DLG5: variants seen among roughly 807,000 people sequenced by gnomAD.
DLG5 encodes the protein disks large homolog 5.
DLG5 carries 48 observed loss-of-function variants against 189.8 expected under a neutral mutation model. The ratio of observed to expected loss-of-function variants is 0.25; its 90% CI spans 0.20 to 0.32. DLG5 has a LOEUF of 0.32. Ranked by LOEUF, DLG5 falls within the 10% of genes least tolerant of loss-of-function variation. The pLI is 1.00. For synonymous variants in DLG5, 1,016 were observed against 1,054.1 expected, an observed-to-expected ratio of 0.96 and a Z score of 0.70; for missense variants, 2,160 against 2,544.7, an observed-to-expected ratio of 0.85 and a Z score of 3.25.
intron 7 of DLG5, among the ~76,000 whole-genome samples, chr10:77,840,824 C>T (rs1294717285): frequency 6.6e-6 from 1 of 152,184 alleles, no homozygotes; most frequent in African/African-American, 2.4e-5. Context: ...TCCCCACATC[C>T]CCTACCACTG....
chr10:77,933,943 G>GCC, the DLG5 span, among the ~76,000 whole-genome samples: 1 of 151,886 alleles, frequency 6.6e-6, no homozygotes, highest in Non-Finnish European at 1.5e-5. Flanking sequence ...AGCTACTTGG[G>GCC]AGGCTGAGGC....
intron 1 of DLG5, among the ~76,000 whole-genome samples, chr10:77,922,153 C>T (rs1454075351): frequency 6.6e-6 from 1 of 152,162 alleles, no homozygotes; most frequent in Non-Finnish European, 1.5e-5. Flanking sequence ...CACCCCGGCC[C>T]CTGTCTACAC....
At chr10:77,844,361 C>T (rs535845481) in intron 5 of DLG5, among the ~76,000 whole-genome samples, 10 of 152,334 alleles carry the variant, frequency 6.6e-5, no homozygotes, top group Admixed American at 2.0e-4. Flanking sequence ...TTGCCTCACG[C>T]GCCTTTCCCC....
chr10:77,857,747 T>C (rs538883047), intron 2 of DLG5, among the ~76,000 whole-genome samples: 257 of 152,328 alleles, frequency 1.7e-3, no homozygotes, highest in Non-Finnish European at 3.0e-3. Flanking sequence ...TGCTTTTATA[T>C]TGAACCCTGT....
rs1209911526 is a variant in DLG5, at chr10:77,845,934, T to TAAA, written c.865-2231_865-2229dup. Among the ~76,000 whole-genome samples, 482 of 97,398 alleles carry TAAA rather than the reference T, an allele frequency of 4.9e-3. 2 individuals are homozygous for TAAA. The highest frequency in any genetic ancestry group is 7.8e-3 in the African/African-American group (185 of 23,868). The allele number at this position is 97,398 out of a possible 152,430, so 63.9% of individuals were successfully genotyped here. ...CCACTCTACATCTAAAATCTTTCTT[T>TAAA]AAAAAAAAAAAAAAAAAAAAAAAGC... On this transcript the variant is annotated intron_variant, in intron 5 of 31. Transcript: ENST00000372391.
Position 77,882,619 on chromosome 10 carries a change from A to T in DLG5, c.305-13422T>A, listed in dbSNP as rs188088472. On this transcript the variant is annotated intron_variant, in intron 1 of 31. Transcript: ENST00000372391. ...ATGCATACAAAAGGAAAAGGAATTA[A>T]AACGCAAGAAGGCCAGGTGCAGTGG... is the stretch of plus-strand genomic sequence containing the variant. Among the ~76,000 whole-genome samples, 3 of 152,330 alleles carry T rather than the reference A, an allele frequency of 2.0e-5. No homozygotes were observed. In the East Asian group the frequency reaches 5.8e-4, roughly 29 times the overall value.
rs575032372 is a variant in DLG5 at position 77,845,004 on chromosome 10, G to A, written c.865-1298C>T. Among the ~76,000 whole-genome samples, 4 of 152,336 alleles carry A rather than the reference G, an allele frequency of 2.6e-5. No individual in the cohort carries two copies. The East Asian group carries it at 7.7e-4, about 29-fold the overall frequency. On this transcript the variant is annotated intron_variant, in intron 5 of 31. Coordinates refer to ENST00000372391, the MANE Select transcript of DLG5 (RefSeq NM_004747.4). ...AAGGGGACCTGGAGAAGTGGGTGTG[G>A]GCATGGGGGTGGCCATGGCCGCAGG...
chr10:77,878,189 C>G (rs1845165553), intron 1 of DLG5, among the ~76,000 whole-genome samples: 1 of 152,258 alleles, frequency 6.6e-6, no homozygotes, highest in East Asian at 1.9e-4. Flanking sequence ...GCCCTCCACC[C>G]TCCCAGGGCA....
At chr10:77,885,304 A>G (rs1845405497) in intron 1 of DLG5, among the ~76,000 whole-genome samples, 1 of 152,208 alleles carries the variant, frequency 6.6e-6, no homozygotes, top group Admixed American at 6.5e-5. Flanking sequence ...AAACACTCCA[A>G]GCAAAATCTG....
At chr10:77,843,081 C>G (rs1479981083) in intron 6 of DLG5, among the ~76,000 whole-genome samples, 1 of 152,130 alleles carries the variant, frequency 6.6e-6, no homozygotes, top group African/African-American at 2.4e-5. Context: ...GGGTGACTGC[C>G]ACAGAGGGGA....
intron 30 of DLG5, 134 bp from the exon 31 acceptor site, chr10:77,794,251 T>C: frequency 1.4e-6 from 1 of 722,938 alleles, no homozygotes; most frequent in Non-Finnish European, 2.4e-6. Flanking sequence ...GCTCCCCACA[T>C]AAAGCACAGC....
At chr10:77,886,946 C>A (rs943571130) in intron 1 of DLG5, among the ~76,000 whole-genome samples, 6 of 152,182 alleles carry the variant, frequency 3.9e-5, no homozygotes, top group African/African-American at 1.4e-4. Flanking sequence ...ACCTGCCCAT[C>A]TGACGCCCTG....
At chr10:77,876,692 A>AG (rs1845101232) in intron 1 of DLG5, among the ~76,000 whole-genome samples, 1 of 77,154 alleles carries the variant, frequency 1.3e-5, no homozygotes, top group Non-Finnish European at 2.7e-5. Context: ...AGAGGAAGGA[A>AG]GGAAGGAAGG....
At chr10:77,833,153 C>T (rs1842957670) in intron 9 of DLG5, among the ~76,000 whole-genome samples, 1 of 152,222 alleles carries the variant, frequency 6.6e-6, no homozygotes, top group East Asian at 1.9e-4. Context: ...GCCTATTGGG[C>T]TCTGCCAATT....
intron 1 of DLG5, among the ~76,000 whole-genome samples, chr10:77,903,630 CAAAAAAAAAAA>C (rs574454210): frequency 1.7e-5 from 1 of 58,718 alleles, no homozygotes; most frequent in African/African-American, 4.2e-5. Context: ...AACTCCATCT[CAAAAAAAAAAA>C]AAAAAAAAAT....
intron 1 of DLG5, among the ~76,000 whole-genome samples, chr10:77,893,919 G>A (rs542110684): frequency 6.6e-6 from 1 of 152,144 alleles, no homozygotes; most frequent in Non-Finnish European, 1.5e-5. Context: ...CCTACCCGGC[G>A]CGTGGCCCGC....
chr10:77,912,828 G>A (rs1232433298), intron 1 of DLG5, among the ~76,000 whole-genome samples: 1 of 152,192 alleles, frequency 6.6e-6, no homozygotes, highest in Non-Finnish European at 1.5e-5. Flanking sequence ...AAAGCAAGGT[G>A]AGGCTTTCAG....
rs1028123408 is a variant in DLG5, at chr10:77,821,485, G to A, written c.2999C>T (p.Ser1000Phe). Residue 1000 changes from serine to phenylalanine, a missense_variant, in exon 15 of 32, where the codon TCT becomes TTT. By Grantham distance (155) the Ser-to-Phe change is radical. Coordinates refer to ENST00000372391, the MANE Select transcript of DLG5 (RefSeq NM_004747.4). The part of the protein sequence containing the change: ...YLLPGPGPAH[S>F]PQPSKRAGPL... ...CCCCGCCCTCTTGGAGGGCTGGGGA[G>A]AGTGAGCAGGCCCAGGACCTGGAAG... 6.2e-7 allele frequency: 1 copy of A among 1,612,778 alleles called. No individual in the cohort carries two copies. The highest frequency in any genetic ancestry group is 8.5e-7 in the Non-Finnish European group (1 of 1,179,982).
At chr10:77,841,352 G>T (rs1170290230) in intron 7 of DLG5, among the ~76,000 whole-genome samples, 1 of 152,190 alleles carries the variant, frequency 6.6e-6, no homozygotes, top group Non-Finnish European at 1.5e-5. Context: ...AGAGAGCAAG[G>T]CTTTAGGAGA....
Sources: gnomAD v4.1 joint callset for allele counts (sites outside exome capture counted in the v4.1 genomes callset) on GRCh38, gnomAD v4.1.1 for gene constraint, MANE v1.5 for transcripts, NCBI Gene and HGNC (gene_info 2026-07-23, HGNC 2026-07-21) for gene names.